Variants in QKI observed in about 807,000 individuals in gnomAD.
QKI encodes the protein QKI, KH domain containing RNA binding, also known as KH domain-containing RNA-binding protein QKI.
A neutral mutation model predicts 39.0 loss-of-function variants in QKI; 10 were observed. The ratio of observed to expected loss-of-function variants is 0.26; its 90% confidence interval spans 0.16 to 0.43. The LOEUF (loss-of-function observed/expected upper bound fraction) is 0.43, where lower values mean the gene tolerates loss of function less well. QKI is among the 20% of genes least tolerant of loss of function. The probability of loss-of-function intolerance (pLI) is 1.00; values close to 1 mark genes in which losing one functional copy is unlikely to be tolerated. For missense variants in QKI, 218 were observed against 428.0 expected, an observed-to-expected ratio of 0.51 and a Z score of 4.33; for synonymous variants, 204 against 155.4, an observed-to-expected ratio of 1.31 and a Z score of -2.33.
intron 3 of QKI, among the ~76,000 whole-genome samples, chr6:163,501,254 C>T (rs1292359474): frequency 2.0e-5 from 3 of 149,484 alleles, no homozygotes; most frequent in Non-Finnish European, 4.4e-5. Context: ...AAAGAGATTT[C>T]GTTTATGGAT....
Position 163,564,952 on chromosome 6 carries a change from G to C in QKI, c.934+1233G>C, listed in dbSNP as rs893858685. The C allele has an allele frequency of 8.2e-5, 108 of 1,319,426 alleles. No individual in the cohort carries two copies. The African/African-American group carries it at 1.4e-3, about 17-fold the overall frequency. The allele number at this position is 1,319,426 out of a possible 1,614,324, so 81.7% of individuals were successfully genotyped here. ...AGATTTGAAAATCTTTAATGAACTGGAGAACACTAAGATTTAAACTCGAAA... is the reference window on the plus strand; with the variant it reads ...AGATTTGAAAATCTTTAATGAACTGCAGAACACTAAGATTTAAACTCGAAA... On this transcript the variant is annotated intron_variant, in intron 6 of 7. Coordinates refer to ENST00000361752, the MANE Select transcript of QKI (RefSeq NM_006775.3).
At chr6:163,433,981 G>A (rs1360558161) in intron 1 of QKI, among the ~76,000 whole-genome samples, 1 of 152,164 alleles carries the variant, frequency 6.6e-6, no homozygotes, top group Non-Finnish European at 1.5e-5. Flanking sequence ...AAAAAGGTTG[G>A]TTGTGATTGA....
chr6:163,437,104 A>C (rs192152585), intron 1 of QKI, among the ~76,000 whole-genome samples: 61 of 152,332 alleles, frequency 4.0e-4, no homozygotes, highest in Non-Finnish European at 8.5e-4. Flanking sequence ...CAAGTTGAGA[A>C]TTCAGAGGTA....
At chr6:163,426,017 G>C (rs978550444) in intron 1 of QKI, among the ~76,000 whole-genome samples, 48 of 152,122 alleles carry the variant, frequency 3.2e-4, no homozygotes, top group African/African-American at 1.1e-3. Context: ...TCTATCCCTA[G>C]AGAGATACAT....
At chr6:163,482,861 T>C (rs558354539) in intron 3 of QKI, among the ~76,000 whole-genome samples, 7 of 152,314 alleles carry the variant, frequency 4.6e-5, no homozygotes, top group Admixed American at 1.3e-4. Context: ...CATTGGCCAT[T>C]GGTGATCGAC....
At position 163,465,340 on chromosome 6, in the gene QKI, T is replaced by G. The variant is rs373868197; in HGVS notation, c.285+9919T>G. On this transcript the variant is annotated intron_variant, in intron 2 of 7. Coordinates refer to ENST00000361752, the MANE Select transcript of QKI (RefSeq NM_006775.3). ...GAACAGTTAGGCCAAGAAAAAGAAA[T>G]AAAGGCAGCCAGGAGTGGTGGCTCA... Among the ~76,000 whole-genome samples, 197 of 151,914 alleles carry G rather than the reference T, an allele frequency of 1.3e-3. 1 individual carries two copies. Among genetic ancestry groups the G allele is most frequent in the Non-Finnish European group, 1.9e-3 (131 of 67,940 alleles).
At chr6:163,467,515 T>G (rs1448507011) in intron 2 of QKI, among the ~76,000 whole-genome samples, 1 of 152,240 alleles carries the variant, frequency 6.6e-6, no homozygotes, top group Non-Finnish European at 1.5e-5. Flanking sequence ...TTTGTTTTGT[T>G]TTTACATAGC....
At chr6:163,534,910 G>T in intron 3 of QKI, 72 bp from the exon 4 acceptor site, 1 of 1,181,990 alleles carries the variant, frequency 8.5e-7, no homozygotes, top group Non-Finnish European at 1.2e-6. Flanking sequence ...TTGACAACAG[G>T]TTAGTATTAT....
chr6:163,474,384 AT>A (rs1792425524), intron 2 of QKI, among the ~76,000 whole-genome samples: 1 of 152,158 alleles, frequency 6.6e-6, no homozygotes. Flanking sequence ...AACTGTCATT[AT>A]TTCCAGGTGA....
intron 1 of QKI, among the ~76,000 whole-genome samples, chr6:163,424,266 T>C (rs537872261): frequency 6.6e-6 from 1 of 152,360 alleles, no homozygotes; most frequent in East Asian, 1.9e-4. Flanking sequence ...CTATTGTCGC[T>C]GATTCCACCG....
chr6:163,434,468 C>G (rs1191823259), intron 1 of QKI, among the ~76,000 whole-genome samples: 2 of 152,124 alleles, frequency 1.3e-5, no homozygotes, highest in African/African-American at 2.4e-5. Flanking sequence ...TTAATCTTGG[C>G]ACTTTGGGAG....
intron 3 of QKI, among the ~76,000 whole-genome samples, chr6:163,484,547 T>G (rs1244186638): frequency 6.6e-6 from 1 of 152,118 alleles, no homozygotes; most frequent in Non-Finnish European, 1.5e-5. Context: ...GAATGGTCAA[T>G]CAGCATTTGC....
rs561583533 is a variant in QKI at position 163,554,086 on chromosome 6, T to A, written c.547-7896T>A. Among the ~76,000 whole-genome samples, 4 of 152,306 alleles carry A rather than the reference T, an allele frequency of 2.6e-5. No individual in the cohort carries two copies. The South Asian group carries it at 8.3e-4, about 32-fold the overall frequency. On this transcript the variant is annotated intron_variant, in intron 4 of 7. Coordinates refer to ENST00000361752, the MANE Select transcript of QKI (RefSeq NM_006775.3). Reference sequence around the variant, plus strand: ...GTAATGATGAAACCAAGACCCTGGCTTGGTGTCTCTCAGCTACTTCAAGAA... The same window carrying A: ...GTAATGATGAAACCAAGACCCTGGCATGGTGTCTCTCAGCTACTTCAAGAA...
At chr6:163,508,648 G>A (rs1234014277) in intron 3 of QKI, among the ~76,000 whole-genome samples, 2 of 151,084 alleles carry the variant, frequency 1.3e-5, no homozygotes, top group African/African-American at 4.9e-5. Flanking sequence ...CCCTGCCTCA[G>A]CCTCCCAAGT....
intron 6 of QKI, 169 bp from the exon 7 acceptor site, chr6:163,566,552 T>A (rs1783371375): frequency 4.7e-6 from 7 of 1,476,260 alleles, no homozygotes. Flanking sequence ...TAGATGCATA[T>A]ATACATGACA....
intron 1 of QKI, among the ~76,000 whole-genome samples, chr6:163,445,535 A>G (rs1036329281): frequency 6.6e-6 from 1 of 151,728 alleles, no homozygotes; most frequent in African/African-American, 2.4e-5. Flanking sequence ...CATGATTATA[A>G]TGAGGACCAT....
intron 1 of QKI, among the ~76,000 whole-genome samples, chr6:163,419,391 G>C (rs1787808096): frequency 6.6e-6 from 1 of 151,960 alleles, no homozygotes; most frequent in Non-Finnish European, 1.5e-5. Context: ...TTGCTATACA[G>C]ATTTCTTACA....
At chr6:163,498,188 TAA>T (rs10650302) in intron 3 of QKI, among the ~76,000 whole-genome samples, 25 of 125,516 alleles carry the variant, frequency 2.0e-4, no homozygotes, top group Middle Eastern at 4.3e-3. Flanking sequence ...GCAGCTGTGG[TAA>T]AAAAAAAAAA....
At chr6:163,478,755 A>C in intron 2 of QKI, 25 bp from the exon 3 acceptor site, 1 of 1,446,086 alleles carries the variant, frequency 6.9e-7, no homozygotes, top group Non-Finnish European at 9.6e-7. Flanking sequence ...AATAATGTAT[A>C]GTGATCCTTT....
Sources: allele counts gnomAD v4.1 joint callset (sites outside exome capture counted in the v4.1 genomes callset), GRCh38; gene constraint gnomAD v4.1.1; transcripts MANE v1.5; gene names NCBI Gene and HGNC (gene_info 2026-07-23, HGNC 2026-07-21).